The following CUTC variants were observed in gnomAD, a reference collection of about 807,000 sequenced individuals.
CUTC encodes copper homeostasis protein cutC homolog.
A neutral mutation model predicts 36.2 loss-of-function variants in CUTC; 27 were observed. The ratio of observed to expected loss-of-function variants is 0.75; its 90% confidence interval spans 0.55 to 1.03. CUTC has a LOEUF of 1.03. Ranked by LOEUF, CUTC falls within the 50% of genes least tolerant of loss-of-function variation. The pLI is 0.00. For synonymous variants in CUTC, 114 were observed against 118.3 expected, an observed-to-expected ratio of 0.96 and a Z score of 0.24; for missense variants, 315 against 343.5, an observed-to-expected ratio of 0.92 and a Z score of 0.66.
intron 7 of CUTC, among the ~76,000 whole-genome samples, chr10:99,753,880 G>T (rs1260023307): frequency 2.0e-5 from 3 of 152,108 alleles, no homozygotes; most frequent in Non-Finnish European, 2.9e-5. Flanking sequence ...GGGAGATAAG[G>T]ATATAAAGAT....
At chr10:99,755,536 G>T (rs552379644) in intron 8 of CUTC, 89 bp from the exon 9 acceptor site, 8 of 779,468 alleles carry the variant, frequency 1.0e-5, no homozygotes, top group South Asian at 6.2e-5. Context: ...ACCTACCCTT[G>T]TATCATGAAA....
intron 2 of CUTC, among the ~76,000 whole-genome samples, chr10:99,736,587 C>T (rs2037298778): frequency 6.6e-6 from 1 of 151,904 alleles, no homozygotes; most frequent in African/African-American, 2.4e-5. Context: ...TTTTTTAAAC[C>T]ATTAACTTAA....
chr10:99,747,771 T>C (rs1246563259), intron 6 of CUTC, among the ~76,000 whole-genome samples: 1 of 152,238 alleles, frequency 6.6e-6, no homozygotes, highest in Non-Finnish European at 1.5e-5. Context: ...TCTGCCTTCC[T>C]TGCCCTCCCA....
At position 99,755,750 on chromosome 10, in the gene CUTC, C is replaced by CT. The variant is rs1564658934; in HGVS notation, c.*12dup. The CT allele has an allele frequency of 6.6e-7, 1 of 1,518,278 alleles. No individual in the cohort carries two copies. The highest frequency in any genetic ancestry group is 1.7e-5 in the Admixed American group (1 of 59,454). The allele number at this position is 1,518,278 out of a possible 1,614,324, so 94.1% of individuals were successfully genotyped here. A position where few individuals can be genotyped will look rare whatever the true frequency, so the allele number is the denominator to read the frequency against. On this transcript the variant is annotated 3_prime_UTR_variant, in exon 9 of 9. Coordinates refer to ENST00000370476, the MANE Select transcript of CUTC (RefSeq NM_015960.3). The stretch of plus-strand genomic sequence containing the variant: ...AACATCCTGGTGTAGCCAGACCTCT[C>CT]TGAGAGACATGGATATCACAGGATG...
chr10:99,753,399 G>C (rs1003698836), intron 7 of CUTC, among the ~76,000 whole-genome samples: 3 of 152,100 alleles, frequency 2.0e-5, no homozygotes, highest in African/African-American at 7.2e-5. Flanking sequence ...TACTCAGCCT[G>C]TATTTTTTCT....
intron 6 of CUTC, 86 bp downstream of exon 6, chr10:99,747,476 A>G (rs1430216945): frequency 5.4e-6 from 8 of 1,482,162 alleles, no homozygotes; most frequent in African/African-American, 1.4e-5. Context: ...GTGAGACTAT[A>G]TATTACTGAC....
rs1320676723 is a variant in CUTC at position 99,739,709 on chromosome 10, G to A, written c.134-1G>A. On this transcript the variant is annotated splice_acceptor_variant, in intron 2 of 8. Transcript: ENST00000370476. LOFTEE classifies it high-confidence loss of function. Reference sequence around the variant, plus strand: ...TGTTGAGCAATGCTTTTATATTACAGGTGCTGATCGGATTGAATTATGTTC... The same window carrying A: ...TGTTGAGCAATGCTTTTATATTACAAGTGCTGATCGGATTGAATTATGTTC... 1 of 1,609,202 alleles carries A rather than the reference G, an allele frequency of 6.2e-7. No individual in the cohort carries two copies. Among genetic ancestry groups the A allele is most frequent in the South Asian group, 1.1e-5 (1 of 89,970 alleles).
At chr10:99,752,234 T>C (rs2037424481) in intron 7 of CUTC, among the ~76,000 whole-genome samples, 1 of 151,896 alleles carries the variant, frequency 6.6e-6, no homozygotes, top group Admixed American at 6.6e-5. Flanking sequence ...GTAAAAAAAT[T>C]AGTTGGGCAT....
intron 4 of CUTC, 120 bp downstream of exon 4, chr10:99,743,482 C>A: frequency 1.2e-6 from 1 of 848,522 alleles, no homozygotes; most frequent in Non-Finnish European, 1.9e-6. Context: ...CTTATACTAA[C>A]CTAAGTATTT....
At chr10:99,736,223 T>C in intron 1 of CUTC, 23 bp from the exon 2 acceptor site, 1 of 1,606,674 alleles carries the variant, frequency 6.2e-7, no homozygotes, top group South Asian at 1.1e-5. Flanking sequence ...TTATGAACTC[T>C]TACCATTCTC....
At chr10:99,747,012 C>G (rs1331274478) in intron 5 of CUTC, among the ~76,000 whole-genome samples, 1 of 152,128 alleles carries the variant, frequency 6.6e-6, no homozygotes, top group African/African-American at 2.4e-5. Flanking sequence ...AAGTGATCTC[C>G]CCACCTCGGC....
intron 2 of CUTC, among the ~76,000 whole-genome samples, chr10:99,737,087 T>A (rs984336266): frequency 4.6e-5 from 7 of 151,970 alleles, no homozygotes; most frequent in African/African-American, 1.7e-4. Flanking sequence ...CCAGGCAACA[T>A]GGCAAAACCC....
chr10:99,751,087 C>T (rs1419422162), intron 7 of CUTC, among the ~76,000 whole-genome samples: 2 of 152,062 alleles, frequency 1.3e-5, no homozygotes, highest in Admixed American at 1.3e-4. Context: ...TGCTCATTCC[C>T]TAGATTTAAC....
At chr10:99,752,723 A>G (rs2037428810) in intron 7 of CUTC, among the ~76,000 whole-genome samples, 1 of 152,234 alleles carries the variant, frequency 6.6e-6, no homozygotes, top group South Asian at 2.1e-4. Flanking sequence ...AGGTCAAAAG[A>G]TGTTACATAC....
At chr10:99,734,325 C>T (rs1299579144) in intron 1 of CUTC, among the ~76,000 whole-genome samples, 5 of 152,104 alleles carry the variant, frequency 3.3e-5, no homozygotes, top group African/African-American at 9.7e-5. Flanking sequence ...CCTTGGCCTC[C>T]CAAAGTACTG....
intron 5 of CUTC, among the ~76,000 whole-genome samples, chr10:99,745,090 C>T (rs187248585): frequency 3.3e-5 from 5 of 152,340 alleles, no homozygotes; most frequent in Admixed American, 1.3e-4. Flanking sequence ...TCTTAGGCTA[C>T]ACCTTGGTAA....
chr10:99,747,865 A>G (rs1425729453), intron 6 of CUTC, among the ~76,000 whole-genome samples: 4 of 152,156 alleles, frequency 2.6e-5, no homozygotes, highest in Non-Finnish European at 5.9e-5. Context: ...CAGCCCATGT[A>G]TATTCAGGGG....
At chr10:99,755,585 AATAAC>A (rs2037450683) in intron 8 of CUTC, 35 bp from the exon 9 acceptor site, 2 of 1,370,094 alleles carry the variant, frequency 1.5e-6, no homozygotes, top group African/African-American at 2.9e-5. Context: ...GGGCCCATTT[AATAAC>A]ATAATTATCT....
At chr10:99,749,980 G>C (rs1564657749) in intron 6 of CUTC, among the ~76,000 whole-genome samples, 1 of 152,056 alleles carries the variant, frequency 6.6e-6, no homozygotes, top group Non-Finnish European at 1.5e-5. Flanking sequence ...AAATTAAACT[G>C]ACTAAAGACA....
Sources: gnomAD v4.1 joint callset for allele counts (sites outside exome capture counted in the v4.1 genomes callset) on GRCh38, gnomAD v4.1.1 for gene constraint, MANE v1.5 for transcripts, NCBI Gene and HGNC (gene_info 2026-07-23, HGNC 2026-07-21) for gene names.